EAPP: variants seen among roughly 807,000 people sequenced by gnomAD.
The protein encoded by EAPP is E2F-associated phosphoprotein.
EAPP carries 38 observed loss-of-function variants against 34.3 expected under a neutral mutation model. That is an observed-to-expected ratio of 1.11 (90% confidence interval 0.85 to 1.45). The LOEUF is 1.45. Ranked by LOEUF, EAPP falls within the 40% of genes most tolerant of loss-of-function variation. The probability of loss-of-function intolerance (pLI) is 0.00; values close to 1 mark genes in which losing one functional copy is unlikely to be tolerated. For missense variants in EAPP, 338 were observed against 343.7 expected (o/e 0.98, Z 0.13); for synonymous variants, 113 against 117.6 (o/e 0.96, Z 0.25).
At chr14:34,539,205 T>C in intron 1 of EAPP, 1 of 452,498 alleles carries the variant, frequency 2.2e-6, no homozygotes, top group South Asian at 1.9e-5. Flanking sequence ...TATACAATTA[T>C]GTTATTATAG....
At chr14:34,539,456 G>T in intron 1 of EAPP, 99 bp downstream of exon 1, 1 of 1,321,848 alleles carries the variant, frequency 7.6e-7, no homozygotes, top group Non-Finnish European at 1.1e-6. Context: ...CTCCCGAGCC[G>T]CTAGGGTCTG....
chr14:34,537,215 T>C (rs923317905), intron 1 of EAPP, among the ~76,000 whole-genome samples: 4 of 152,162 alleles, frequency 2.6e-5, no homozygotes, highest in African/African-American at 9.7e-5. Flanking sequence ...TTCATCATGT[T>C]GCTCAGGCTG....
intron 2 of EAPP, 151 bp from the exon 3 acceptor site, chr14:34,533,690 G>A (rs1183137428): frequency 8.7e-6 from 5 of 571,690 alleles, no homozygotes; most frequent in Admixed American, 3.6e-5. Context: ...TGAATTACTC[G>A]ATGTCTATGC....
chr14:34,518,324 G>GTTTTT (rs1300401238), intron 5 of EAPP, among the ~76,000 whole-genome samples: 1 of 87,950 alleles, frequency 1.1e-5, no homozygotes, highest in African/African-American at 5.2e-5. Flanking sequence ...TCTCCCTTTA[G>GTTTTT]ATTTTTTTTT....
chr14:34,524,778 C>T lies in EAPP; in HGVS notation c.500G>A (p.Arg167His), dbSNP rs199731169. 265 of 1,612,982 alleles carry T rather than the reference C, an allele frequency of 1.6e-4. 1 individual carries two copies. The highest frequency in any genetic ancestry group is 1.3e-3 in the South Asian group (116 of 91,014). Residue 167 changes from arginine (R) to histidine (H), a missense_variant, in exon 5 of 6, where the codon CGT (arginine) becomes CAT (histidine). Arg to His is a conservative substitution (Grantham distance 29, BLOSUM62 0). Transcript: ENST00000250454. ...GYHGLGPQRS[R>H]QQQPVPNSDA... Reference sequence around the variant, plus strand: ...ACTATTTGGAACAGGCTGTTGTTGACGTGATCTCTGTGGTCCCAAACCATG... The same window carrying T: ...ACTATTTGGAACAGGCTGTTGTTGATGTGATCTCTGTGGTCCCAAACCATG...
At chr14:34,517,087 G>GC (rs1443001829) in intron 5 of EAPP, among the ~76,000 whole-genome samples, 2 of 149,198 alleles carry the variant, frequency 1.3e-5, no homozygotes, top group East Asian at 4.0e-4. Context: ...ACAGGCGCCC[G>GC]CCACCATGCC....
intron 1 of EAPP, 82 bp downstream of exon 1, chr14:34,539,473 C>A (rs1195663434): frequency 1.4e-6 from 2 of 1,460,974 alleles, no homozygotes; most frequent in South Asian, 2.3e-5. Context: ...TCTGCGTAGG[C>A]TCGGCAGGCG....
At chr14:34,523,447 G>A (rs1180783465) in intron 5 of EAPP, among the ~76,000 whole-genome samples, 1 of 150,900 alleles carries the variant, frequency 6.6e-6, no homozygotes, top group Non-Finnish European at 1.5e-5. Context: ...CCGTGGTCTC[G>A]ATCTCCTGAC....
intron 4 of EAPP, among the ~76,000 whole-genome samples, chr14:34,526,014 T>C (rs796671408): frequency 6.6e-6 from 1 of 151,768 alleles, no homozygotes; most frequent in South Asian, 2.1e-4. Flanking sequence ...AGCGAGACTC[T>C]GTCTCCAAAA....
intron 4 of EAPP, among the ~76,000 whole-genome samples, chr14:34,528,304 G>A (rs8013395): frequency 0.34 from 51,838 of 151,200 alleles, 9,171 homozygotes; most frequent in Non-Finnish European, 0.4. Context: ...CCAAAGTGCT[G>A]GGATTACAGG....
intron 3 of EAPP, among the ~76,000 whole-genome samples, chr14:34,531,710 A>C (rs1025074933): frequency 3.9e-5 from 6 of 152,196 alleles, no homozygotes; most frequent in Non-Finnish European, 8.8e-5. Flanking sequence ...TGCTATTTGA[A>C]TATTTCATTG....
chr14:34,536,439 A>G (rs1353832077), intron 1 of EAPP, 164 bp from the exon 2 acceptor site: 3 of 448,982 alleles, frequency 6.7e-6, no homozygotes, highest in Non-Finnish European at 1.1e-5. Flanking sequence ...CCAGTTCTGC[A>G]TATTTCCAAT....
intron 3 of EAPP, among the ~76,000 whole-genome samples, chr14:34,530,837 T>C (rs2138899307): frequency 7.0e-6 from 1 of 142,870 alleles, no homozygotes; most frequent in Admixed American, 7.6e-5. Context: ...ACCAGCACTT[T>C]GGGAGGATTG....
intron 5 of EAPP, among the ~76,000 whole-genome samples, chr14:34,520,968 T>C (rs1208752777): frequency 2.6e-5 from 4 of 152,306 alleles, no homozygotes; most frequent in South Asian, 4.1e-4. Context: ...TACTGTTTTA[T>C]TGTTATATGC....
rs543229714 is a variant in EAPP at position 34,532,680 on chromosome 14, T to A, written c.352+764A>T. 2.7e-5 allele frequency among the ~76,000 whole-genome samples: 4 copies of A among 150,878 alleles called. No homozygotes were observed. The East Asian group carries it at 7.8e-4, about 29-fold the overall frequency. ...CACATGCCTGTGTCCCCAGCTTTTT[T>A]TTTTTTTTTTTTGAGACGGAGTCTC... On this transcript the variant is annotated intron_variant, in intron 3 of 5. Coordinates refer to ENST00000250454, the MANE Select transcript of EAPP (RefSeq NM_018453.4).
chr14:34,539,181 T>C (rs1310442384), intron 1 of EAPP: 2 of 393,714 alleles, frequency 5.1e-6, no homozygotes, highest in Non-Finnish European at 9.9e-6. Context: ...TGTGTTATAC[T>C]ATGTTATATA....
chr14:34,519,878 T>C (rs1879857150), intron 5 of EAPP, among the ~76,000 whole-genome samples: 1 of 149,920 alleles, frequency 6.7e-6, no homozygotes, highest in Admixed American at 6.6e-5. Flanking sequence ...ACAAGGTTCT[T>C]TCTTTTCTTT....
intron 1 of EAPP, among the ~76,000 whole-genome samples, chr14:34,537,263 G>A (rs1880509502): frequency 6.6e-6 from 1 of 152,108 alleles, no homozygotes; most frequent in Non-Finnish European, 1.5e-5. Flanking sequence ...CTCCTGCCTT[G>A]GCCTTCCAAA....
At chr14:34,516,673 C>T in intron 5 of EAPP, 87 bp from the exon 6 acceptor site, 2 of 1,355,532 alleles carry the variant, frequency 1.5e-6, no homozygotes, top group Non-Finnish European at 2.0e-6. Context: ...ATACCAAAAA[C>T]TTACTGAAAT....
Sources: gnomAD v4.1 joint callset for allele counts (sites outside exome capture counted in the v4.1 genomes callset) on GRCh38, gnomAD v4.1.1 for gene constraint, MANE v1.5 for transcripts, NCBI Gene and HGNC (gene_info 2026-07-23, HGNC 2026-07-21) for gene names.